RBM20: variants seen among roughly 807,000 people sequenced by gnomAD.
RBM20 encodes the protein RNA-binding protein 20.
RBM20 carries 51 observed loss-of-function variants against 110.1 expected under a neutral mutation model. The ratio of observed to expected loss-of-function variants is 0.46; its 90% CI spans 0.37 to 0.59. The LOEUF is 0.59. RBM20 is among the 20% of genes least tolerant of loss of function. The probability of loss-of-function intolerance (pLI) is 0.00; values close to 1 mark genes in which losing one functional copy is unlikely to be tolerated. For missense variants in RBM20, 1,512 were observed against 1,574.9 expected, an observed-to-expected ratio of 0.96 and a Z score of 0.68; for synonymous variants, 589 against 618.2, an observed-to-expected ratio of 0.95 and a Z score of 0.70.
At chr10:110,808,572 T>G (rs1389237026) in intron 7 of RBM20, among the ~76,000 whole-genome samples, 5 of 152,196 alleles carry the variant, frequency 3.3e-5, no homozygotes, top group Non-Finnish European at 7.3e-5. Flanking sequence ...TTCTAAAACC[T>G]CTGACTTATT....
intron 13 of RBM20, 119 bp from the exon 14 acceptor site, chr10:110,835,749 C>A: frequency 2.0e-6 from 2 of 979,428 alleles, no homozygotes; most frequent in Non-Finnish European, 3.0e-6. Flanking sequence ...AAAAGGGTAA[C>A]CCCCACAGCT....
intron 12 of RBM20, among the ~76,000 whole-genome samples, chr10:110,826,494 T>C (rs1234629457): frequency 6.6e-6 from 1 of 152,232 alleles, no homozygotes; most frequent in Non-Finnish European, 1.5e-5. Flanking sequence ...GGGAATCATA[T>C]TGTATGTGCT....
Position 110,797,496 on chromosome 10 carries a change from T to C in RBM20, c.1528-12T>C. The stretch of plus-strand genomic sequence containing the variant: ...TCTTCTGAATACCACTAATGATCTT[T>C]GTTCCCATTAGTTTGCACAGCGGAA... On this transcript the variant is annotated splice_polypyrimidine_tract_variant and intron_variant, in intron 5 of 13. Transcript: ENST00000369519. 6.5e-7 allele frequency: 1 copy of C among 1,547,554 alleles called. No homozygotes were observed. Among genetic ancestry groups the C allele is most frequent in the Non-Finnish European group, 8.7e-7 (1 of 1,144,508 alleles).
chr10:110,710,171 G>A (rs569036819), intron 1 of RBM20, among the ~76,000 whole-genome samples: 1 of 152,246 alleles, frequency 6.6e-6, no homozygotes, highest in South Asian at 2.1e-4. Context: ...GTGCTGACGA[G>A]TGAAAACAGA....
intron 1 of RBM20, among the ~76,000 whole-genome samples, chr10:110,744,504 G>T (rs1358169297): frequency 1.3e-5 from 2 of 152,190 alleles, no homozygotes; most frequent in African/African-American, 4.8e-5. Context: ...GTGTGGTCCT[G>T]CACCAGCAGC....
intron 12 of RBM20, among the ~76,000 whole-genome samples, chr10:110,824,866 C>T (rs1029934636): frequency 6.6e-6 from 1 of 152,136 alleles, no homozygotes; most frequent in Admixed American, 6.5e-5. Flanking sequence ...ATAAAAAGCA[C>T]GGGTCATCTG....
chr10:110,676,196 A>G (rs1385765721), intron 1 of RBM20, among the ~76,000 whole-genome samples: 6 of 152,204 alleles, frequency 3.9e-5, no homozygotes, highest in Non-Finnish European at 8.8e-5. Context: ...TTGTACTGAA[A>G]TTTGGCATAA....
chr10:110,795,513 A>G (rs896027755), intron 5 of RBM20, among the ~76,000 whole-genome samples: 2 of 152,220 alleles, frequency 1.3e-5, no homozygotes, highest in African/African-American at 4.8e-5. Flanking sequence ...AATTGTTTTC[A>G]GCTCAAATGA....
chr10:110,803,460 G>A (rs998877284), intron 7 of RBM20, among the ~76,000 whole-genome samples: 1 of 152,202 alleles, frequency 6.6e-6, no homozygotes, highest in Admixed American at 6.6e-5. Context: ...ACTTGGTGAT[G>A]TTGTGAAAAC....
chr10:110,837,574 T>G lies in RBM20; in HGVS notation c.*1596T>G, dbSNP rs972746858. On this transcript the variant is annotated 3_prime_UTR_variant, in exon 14 of 14. Coordinates refer to ENST00000369519, the MANE Select transcript of RBM20 (RefSeq NM_001134363.3). Reference sequence around the variant, plus strand: ...GACTGTGTAGGGTTTTGTTTTGTTTTTTTTCATTTTCCTTTTTATGGCATG... The same window carrying G: ...GACTGTGTAGGGTTTTGTTTTGTTTGTTTTCATTTTCCTTTTTATGGCATG... 6.6e-6 allele frequency: 1 copy of G among 152,364 alleles called. No homozygotes were observed. Among genetic ancestry groups the G allele is most frequent in the African/African-American group, 2.4e-5 (1 of 41,472 alleles). 9.4% of individuals were successfully genotyped at this position (152,364 alleles called of 1,614,324 possible).
chr10:110,753,777 T>A (rs1045342441), intron 1 of RBM20, among the ~76,000 whole-genome samples: 2 of 152,212 alleles, frequency 1.3e-5, no homozygotes, highest in African/African-American at 4.8e-5. Context: ...ATCTGCAGGT[T>A]CTAGGGGGGA....
intron 1 of RBM20, among the ~76,000 whole-genome samples, chr10:110,749,048 A>G (rs1163674180): frequency 6.6e-6 from 1 of 152,244 alleles, no homozygotes; most frequent in East Asian, 1.9e-4. Flanking sequence ...ACATCCTATG[A>G]CCAACATCAT....
At position 110,727,094 on chromosome 10, in the gene RBM20, T is replaced by C. The variant is rs186137092; in HGVS notation, c.192-53707T>C. ...AACTCCTGACCTCAAGTGATCTGCC[T>C]TGGCCTCCCAAAGTGTTAGGATTAC... On this transcript the variant is annotated intron_variant, in intron 1 of 13. Coordinates refer to ENST00000369519, the MANE Select transcript of RBM20 (RefSeq NM_001134363.3). 2.5e-4 allele frequency among the ~76,000 whole-genome samples: 37 copies of C among 150,752 alleles called. No homozygotes were observed. The East Asian group carries it at 7.2e-3, about 29-fold the overall frequency.
chr10:110,828,193 C>A (rs1845006452), intron 12 of RBM20, among the ~76,000 whole-genome samples: 1 of 152,204 alleles, frequency 6.6e-6, no homozygotes, highest in African/African-American at 2.4e-5. Context: ...CCAAATGCAG[C>A]TTTAGTGATC....
intron 1 of RBM20, among the ~76,000 whole-genome samples, chr10:110,754,543 A>G (rs1376057595): frequency 1.3e-5 from 2 of 152,016 alleles, no homozygotes; most frequent in African/African-American, 4.8e-5. Context: ...TTTGCTTTTG[A>G]TGCTGTATTT....
chr10:110,662,931 A>G (rs1862126822), intron 1 of RBM20, among the ~76,000 whole-genome samples: 1 of 151,878 alleles, frequency 6.6e-6, no homozygotes, highest in South Asian at 2.1e-4. Context: ...AAGCAAATAC[A>G]AATATATATT....
chr10:110,692,666 A>G (rs1303154930), intron 1 of RBM20, among the ~76,000 whole-genome samples: 5 of 152,110 alleles, frequency 3.3e-5, no homozygotes, highest in Admixed American at 2.0e-4. Flanking sequence ...TTTTCTACAT[A>G]TAAAACCATG....
intron 1 of RBM20, among the ~76,000 whole-genome samples, chr10:110,748,728 A>G (rs1843816391): frequency 1.3e-5 from 2 of 152,172 alleles, no homozygotes; most frequent in East Asian, 3.9e-4. Context: ...TACTCATACC[A>G]CAAAATTTAC....
At chr10:110,723,110 T>TAAAAAA (rs575216610) in intron 1 of RBM20, among the ~76,000 whole-genome samples, 1 of 128,120 alleles carries the variant, frequency 7.8e-6, no homozygotes, top group African/African-American at 2.9e-5. Context: ...AGACTCCATC[T>TAAAAAA]AAAAAAAAAA....
Sources: allele counts gnomAD v4.1 joint callset (sites outside exome capture counted in the v4.1 genomes callset), GRCh38; gene constraint gnomAD v4.1.1; transcripts MANE v1.5; gene names NCBI Gene and HGNC (gene_info 2026-07-23, HGNC 2026-07-21).